The following CACNA2D3 variants were observed in gnomAD, a reference collection of about 807,000 sequenced individuals.
The protein encoded by CACNA2D3 is voltage-dependent calcium channel subunit alpha-2/delta-3.
A neutral mutation model predicts 160.6 loss-of-function variants in CACNA2D3; 60 were observed. The ratio of observed to expected loss-of-function variants is 0.37; its 90% confidence interval spans 0.30 to 0.46. CACNA2D3 has a LOEUF of 0.46. Among genes scored for constraint, CACNA2D3 ranks in the 20% least tolerant of loss-of-function variants. The probability of loss-of-function intolerance (pLI) is 1.00; values close to 1 mark genes in which losing one functional copy is unlikely to be tolerated. For missense variants in CACNA2D3, 1,205 were observed against 1,365.0 expected, an observed-to-expected ratio of 0.88 and a Z score of 1.85; for synonymous variants, 558 against 492.9, an observed-to-expected ratio of 1.13 and a Z score of -1.75.
intron 27 of CACNA2D3, among the ~76,000 whole-genome samples, chr3:54,942,433 G>A (rs779825409): frequency 1.3e-5 from 2 of 152,174 alleles, no homozygotes; most frequent in Non-Finnish European, 2.9e-5. Context: ...AAGCGAAGAG[G>A]GAAATAGTTT....
intron 4 of CACNA2D3, among the ~76,000 whole-genome samples, chr3:54,502,485 A>G (rs1350959400): frequency 6.6e-6 from 1 of 152,232 alleles, no homozygotes; most frequent in African/African-American, 2.4e-5. Flanking sequence ...CTTTCATAGA[A>G]TATCCACCTC....
At chr3:54,411,440 C>A (rs183395272) in intron 4 of CACNA2D3, among the ~76,000 whole-genome samples, 119 of 152,288 alleles carry the variant, frequency 7.8e-4, no homozygotes, top group African/African-American at 2.7e-3. Flanking sequence ...GCAACCATCA[C>A]CCTGATCAGT....
chr3:54,328,194 A>C (rs1193831899), intron 3 of CACNA2D3, among the ~76,000 whole-genome samples: 1 of 152,060 alleles, frequency 6.6e-6, no homozygotes, highest in Non-Finnish European at 1.5e-5. Flanking sequence ...GAGGGGAACT[A>C]TTTCCGCATT....
intron 2 of CACNA2D3, among the ~76,000 whole-genome samples, chr3:54,282,295 T>G (rs1437172985): frequency 6.6e-6 from 1 of 152,214 alleles, no homozygotes; most frequent in African/African-American, 2.4e-5. Flanking sequence ...TTTAATAAAT[T>G]AACATAGGTA....
intron 2 of CACNA2D3, among the ~76,000 whole-genome samples, chr3:54,141,061 CTG>C (rs55833247): frequency 0.066 from 8,554 of 129,510 alleles, 308 homozygotes; most frequent in South Asian, 0.14. Flanking sequence ...CAGGTGAAAC[CTG>C]TGTGTGTGTG....
At chr3:54,423,682 CCT>C (rs1196452007) in intron 4 of CACNA2D3, among the ~76,000 whole-genome samples, 1 of 152,072 alleles carries the variant, frequency 6.6e-6, no homozygotes, top group Non-Finnish European at 1.5e-5. Context: ...TTTGAATAAG[CCT>C]CTCTGGTTTT....
intron 6 of CACNA2D3, 78 bp from the exon 7 acceptor site, chr3:54,569,717 C>A: frequency 8.4e-7 from 1 of 1,189,152 alleles, no homozygotes; most frequent in Non-Finnish European, 1.2e-6. Context: ...ATTCAATCAG[C>A]AAAGTAGAGC....
chr3:54,496,889 A>G (rs556973719), intron 4 of CACNA2D3, among the ~76,000 whole-genome samples: 1 of 152,222 alleles, frequency 6.6e-6, no homozygotes, highest in African/African-American at 2.4e-5. Flanking sequence ...TCCTCACTGA[A>G]TTACCTAAGC....
At chr3:54,627,524 G>A (rs1436302368) in intron 9 of CACNA2D3, among the ~76,000 whole-genome samples, 1 of 152,126 alleles carries the variant, frequency 6.6e-6, no homozygotes, top group Non-Finnish European at 1.5e-5. Flanking sequence ...GAGGAAAGTG[G>A]CAATTTTAGA....
At chr3:54,382,360 A>C (rs1194080412) in intron 3 of CACNA2D3, among the ~76,000 whole-genome samples, 1 of 152,250 alleles carries the variant, frequency 6.6e-6, no homozygotes, top group Admixed American at 6.5e-5. Flanking sequence ...TTAGATGATT[A>C]TAATGACATT....
At chr3:54,586,647 A>T (rs1702767691) in intron 9 of CACNA2D3, among the ~76,000 whole-genome samples, 1 of 152,200 alleles carries the variant, frequency 6.6e-6, no homozygotes, top group African/African-American at 2.4e-5. Flanking sequence ...GATATAGAAG[A>T]GCTGAACAAC....
chr3:54,683,962 C>CTTT lies in CACNA2D3; in HGVS notation c.1167+41744_1167+41746dup, dbSNP rs61481695. 6.5e-3 allele frequency among the ~76,000 whole-genome samples: 716 copies of CTTT among 110,772 alleles called. 23 individuals carry two copies. Among genetic ancestry groups the CTTT allele is most frequent in the African/African-American group, 0.027 (616 of 23,182 alleles). 72.7% of individuals were successfully genotyped at this position (110,772 alleles called of 152,430 possible). ...TGTGTGTCTGTGCCCAAATTTCCAC[C>CTTT]TTTTTTTTTTTTTTTTTTTTTTTTT... On this transcript the variant is annotated intron_variant, in intron 11 of 37. Coordinates refer to ENST00000474759, the MANE Select transcript of CACNA2D3 (RefSeq NM_018398.3).
intron 2 of CACNA2D3, among the ~76,000 whole-genome samples, chr3:54,288,750 A>T (rs1703103022): frequency 1.3e-5 from 2 of 152,176 alleles, no homozygotes; most frequent in African/African-American, 2.4e-5. Context: ...CATCCCTGGG[A>T]TGCAAGGCTG....
At chr3:54,602,520 A>AAG in intron 9 of CACNA2D3, among the ~76,000 whole-genome samples, 1 of 150,214 alleles carries the variant, frequency 6.7e-6, no homozygotes, top group Non-Finnish European at 1.5e-5. Context: ...AAAAAAAAAA[A>AAG]AGGGAAAAAA....
chr3:54,640,748 G>A (rs1257117441), intron 10 of CACNA2D3, among the ~76,000 whole-genome samples: 1 of 152,128 alleles, frequency 6.6e-6, no homozygotes, highest in African/African-American at 2.4e-5. Flanking sequence ...TCATGTTACT[G>A]ACTTTCTCCC....
At chr3:54,476,691 C>T (rs1241559730) in intron 4 of CACNA2D3, among the ~76,000 whole-genome samples, 3 of 152,010 alleles carry the variant, frequency 2.0e-5, no homozygotes, top group Non-Finnish European at 4.4e-5. Flanking sequence ...ACCTGATGAC[C>T]ATTTGTATGT....
intron 2 of CACNA2D3, among the ~76,000 whole-genome samples, chr3:54,219,392 C>T (rs1238446711): frequency 6.6e-6 from 1 of 152,104 alleles, no homozygotes; most frequent in Non-Finnish European, 1.5e-5. Context: ...GGGATTCCTG[C>T]CTTTTGGGAT....
intron 2 of CACNA2D3, among the ~76,000 whole-genome samples, chr3:54,177,343 T>G (rs1700696976): frequency 6.6e-6 from 1 of 152,242 alleles, no homozygotes; most frequent in African/African-American, 2.4e-5. Flanking sequence ...ACCAACATTA[T>G]TTTACAAGAA....
At chr3:54,231,395 G>A (rs1264645040) in intron 2 of CACNA2D3, among the ~76,000 whole-genome samples, 1 of 152,144 alleles carries the variant, frequency 6.6e-6, no homozygotes, top group Non-Finnish European at 1.5e-5. Flanking sequence ...TCCCTTTCAG[G>A]GTAAGTGTGA....
Sources: allele counts gnomAD v4.1 joint callset (sites outside exome capture counted in the v4.1 genomes callset), GRCh38; gene constraint gnomAD v4.1.1; transcripts MANE v1.5; gene names NCBI Gene and HGNC (gene_info 2026-07-23, HGNC 2026-07-21).